SCHIP1: variants seen among roughly 807,000 people sequenced by gnomAD.
SCHIP1 encodes the protein schwannomin-interacting protein 1.
SCHIP1 carries 8 observed loss-of-function variants against 29.7 expected under a neutral mutation model. The ratio of observed to expected loss-of-function variants is 0.27; its 90% CI spans 0.16 to 0.49. The LOEUF is 0.49. Among genes scored for constraint, SCHIP1 ranks in the 20% least tolerant of loss-of-function variants. SCHIP1 has a pLI of 0.99. For missense variants in SCHIP1, 193 were observed against 294.6 expected (o/e 0.66, Z 2.52); for synonymous variants, 76 against 94.9 (o/e 0.80, Z 1.16).
chr3:159,551,810 A>G, the SCHIP1 span, among the ~76,000 whole-genome samples: 1 of 152,296 alleles, frequency 6.6e-6, no homozygotes, highest in South Asian at 2.1e-4. Flanking sequence ...GATCTGCATT[A>G]TGTTGGAACA....
the SCHIP1 span, among the ~76,000 whole-genome samples, chr3:159,723,969 A>C: frequency 7.9e-5 from 12 of 152,318 alleles, no homozygotes; most frequent in Non-Finnish European, 1.5e-4. Context: ...TCAATTTTAT[A>C]TGTTTTAATA....
chr3:159,545,711 A>G, the SCHIP1 span, among the ~76,000 whole-genome samples: 1 of 147,780 alleles, frequency 6.8e-6, no homozygotes, highest in African/African-American at 2.5e-5. Context: ...CATCTTTTGT[A>G]CAATATATTA....
the SCHIP1 span, among the ~76,000 whole-genome samples, chr3:159,662,607 CT>C: frequency 0.011 from 1,696 of 152,254 alleles, 26 homozygotes; most frequent in African/African-American, 0.038. Context: ...GCTTTTAAAA[CT>C]TTCTTGGGGG....
chr3:159,630,257 C>T, the SCHIP1 span, among the ~76,000 whole-genome samples: 52 of 152,096 alleles, frequency 3.4e-4, no homozygotes, highest in African/African-American at 1.1e-3. Context: ...AATGGTTATG[C>T]GGAAAATTAA....
chr3:159,764,891 G>C, the SCHIP1 span: 3 of 1,571,572 alleles, frequency 1.9e-6, no homozygotes, highest in African/African-American at 2.8e-5. The surrounding 1 kb of genome is among the most constrained non-coding windows in gnomAD (Gnocchi z 6.1). Context: ...GTGGCTGGCC[G>C]GCCGAGCTGT....
At chr3:159,558,498 C>G in the SCHIP1 span, among the ~76,000 whole-genome samples, 1 of 152,082 alleles carries the variant, frequency 6.6e-6, no homozygotes, top group Admixed American at 6.6e-5. Context: ...CTGGGGAGAG[C>G]ACATCTAACT....
the SCHIP1 span, among the ~76,000 whole-genome samples, chr3:159,805,480 G>A: frequency 1.3e-5 from 2 of 152,238 alleles, no homozygotes; most frequent in African/African-American, 4.8e-5. Context: ...GAGTAAGTGA[G>A]TTTAATTGAA....
chr3:159,509,338 CTTTAT>C, the SCHIP1 span, among the ~76,000 whole-genome samples: 5 of 152,120 alleles, frequency 3.3e-5, no homozygotes, highest in Admixed American at 3.3e-4. Context: ...TTCCTCCATC[CTTTAT>C]TTTGAGACTA....
the SCHIP1 span, among the ~76,000 whole-genome samples, chr3:159,822,990 A>T: frequency 6.6e-6 from 1 of 152,080 alleles, no homozygotes; most frequent in African/African-American, 2.4e-5. Context: ...CTGTTAGAGC[A>T]AGACAGTGAA....
At chr3:159,758,275 C>G in the SCHIP1 span, among the ~76,000 whole-genome samples, 1 of 152,132 alleles carries the variant, frequency 6.6e-6, no homozygotes, top group Non-Finnish European at 1.5e-5. Context: ...GCCTCAGCCT[C>G]CCAAGTAGCT....
the SCHIP1 span, among the ~76,000 whole-genome samples, chr3:159,544,755 T>C: frequency 6.6e-6 from 1 of 152,142 alleles, no homozygotes; most frequent in Non-Finnish European, 1.5e-5. Context: ...GTGCCCTTTG[T>C]TAGCTATATG....
the SCHIP1 span, among the ~76,000 whole-genome samples, chr3:159,724,834 C>G: frequency 6.6e-6 from 1 of 152,256 alleles, no homozygotes; most frequent in Non-Finnish European, 1.5e-5. Context: ...TCTTATGAAT[C>G]ACCTTGTGCA....
the SCHIP1 span, among the ~76,000 whole-genome samples, chr3:159,576,614 C>T: frequency 1.3e-5 from 2 of 152,134 alleles, no homozygotes; most frequent in Non-Finnish European, 2.9e-5. Context: ...TTTCCATTAG[C>T]GACTTTGTTA....
the SCHIP1 span, among the ~76,000 whole-genome samples, chr3:159,740,308 C>T: frequency 1.3e-5 from 2 of 152,200 alleles, no homozygotes; most frequent in East Asian, 3.9e-4. Flanking sequence ...TGAATGGTTC[C>T]ACTGAGTGGT....
At chr3:159,341,392 CTT>C in the SCHIP1 span, among the ~76,000 whole-genome samples, 1 of 152,112 alleles carries the variant, frequency 6.6e-6, no homozygotes, top group Non-Finnish European at 1.5e-5. Flanking sequence ...AAGAAAAACT[CTT>C]TCTCAGCTTT....
the SCHIP1 span, among the ~76,000 whole-genome samples, chr3:159,348,206 A>G: frequency 4.6e-5 from 7 of 152,140 alleles, no homozygotes; most frequent in Admixed American, 4.6e-4. Context: ...TGTATTTTTC[A>G]TTCAGTATTG....
At chr3:159,358,949 G>C in the SCHIP1 span, among the ~76,000 whole-genome samples, 2 of 96,876 alleles carry the variant, frequency 2.1e-5, no homozygotes, top group African/African-American at 8.9e-5. Context: ...TTTTTTTTGA[G>C]ACAGAGTCTT....
At chr3:159,879,290 CT>C (rs1212030388) in intron 2 of SCHIP1, among the ~76,000 whole-genome samples, 1 of 148,824 alleles carries the variant, frequency 6.7e-6, no homozygotes. Context: ...TCTTTCTTCT[CT>C]TTTTTTCTAC....
the SCHIP1 span, among the ~76,000 whole-genome samples, chr3:159,371,233 ATCATGATGGT>A: frequency 6.6e-6 from 1 of 152,320 alleles, no homozygotes; most frequent in East Asian, 1.9e-4. Context: ...CTTGCCATAC[ATCATGATGGT>A]TGCTGAAAAT....
Sources: gnomAD v4.1 joint callset for allele counts (sites outside exome capture counted in the v4.1 genomes callset) on GRCh38, gnomAD v4.1.1 for gene constraint, Gnocchi (gnomAD v3.1) non-coding constraint, MANE v1.5 for transcripts, NCBI Gene and HGNC (gene_info 2026-07-23, HGNC 2026-07-21) for gene names.